The following MN1 variants were observed in gnomAD, a reference collection of about 807,000 sequenced individuals.
MN1 encodes MN1 proto-oncogene, transcriptional regulator.
MN1 carries 19 observed loss-of-function variants against 86.9 expected under a neutral mutation model. The ratio of observed to expected loss-of-function variants is 0.22; its 90% confidence interval spans 0.15 to 0.32. The LOEUF is 0.32. Among genes scored for constraint, MN1 ranks in the 10% least tolerant of loss-of-function variants. The pLI, the probability that MN1 is intolerant of heterozygous loss-of-function variation, is 1.00. For missense variants in MN1, 1,841 were observed against 1,862.0 expected (o/e 0.99, Z 0.21); for synonymous variants, 928 against 849.6 (o/e 1.09, Z -1.60).
rs758226718 is a variant in MN1 at position 27,798,660 on chromosome 22, C to G, written c.1884G>C (p.Glu628Asp). 6.4e-7 allele frequency: 1 copy of G among 1,554,188 alleles called. No individual in the cohort carries two copies. Among genetic ancestry groups the G allele is most frequent in the East Asian group, 2.4e-5 (1 of 42,094 alleles). The change falls in exon 1 of 2, where the codon GAG becomes GAC. Residue 628 changes from glutamate (E) to aspartate (D), a missense_variant. Transcript: ENST00000302326. ...GATGCGGACCTGAGAACCACGCGCT[C>G]TCTTGCGCCAAGTGCGGCGCCTGCT... ...FEQQAPHLAQ[E>D]SAWFSGPHPP...
intron 1 of MN1, among the ~76,000 whole-genome samples, chr22:27,775,307 T>C (rs1253300566): frequency 1.3e-5 from 2 of 152,156 alleles, no homozygotes; most frequent in African/African-American, 4.8e-5. Flanking sequence ...GAGTCAGGCT[T>C]CTTCTCTGAC....
rs938263770 is a variant in MN1 at position 27,801,478 on chromosome 22, T to A, written c.-935A>T. The A allele has an allele frequency of 5.1e-6, 1 of 197,048 alleles. No individual in the cohort carries two copies. Among genetic ancestry groups the A allele is most frequent in the East Asian group, 7.6e-5 (1 of 13,110 alleles). The allele number at this position is 197,048 out of a possible 1,614,324, so 12.2% of individuals were successfully genotyped here. ...ACGAGGGGTTGGGTCGCTCCAAGGC[T>A]CCGGTTCCCTGCCTCCGCGCTGAGG... On this transcript the variant is annotated 5_prime_UTR_variant, in exon 1 of 2. Coordinates refer to ENST00000302326, the MANE Select transcript of MN1 (RefSeq NM_002430.3).
intron 1 of MN1, among the ~76,000 whole-genome samples, chr22:27,770,149 C>G (rs1340576869): frequency 6.6e-6 from 1 of 152,226 alleles, no homozygotes; most frequent in Non-Finnish European, 1.5e-5. Flanking sequence ...ATCTTACAAC[C>G]TTCCCTCCCA....
rs1933446505 is a variant in MN1, at chr22:27,801,672, G to T, written c.-1129C>A. On this transcript the variant is annotated 5_prime_UTR_variant, in exon 1 of 2. Coordinates refer to ENST00000302326, the MANE Select transcript of MN1 (RefSeq NM_002430.3). ...TCTGCGCACCCCTCTCCCGACTAGC[G>T]GGGGGGCTCTGCGTGGGGCGTTCCG... Among the ~76,000 whole-genome samples, 1 of 152,052 alleles carries T rather than the reference G, an allele frequency of 6.6e-6. No homozygotes were observed.
At chr22:27,758,327 A>C (rs945003444) in intron 1 of MN1, among the ~76,000 whole-genome samples, 1 of 152,074 alleles carries the variant, frequency 6.6e-6, no homozygotes, top group African/African-American at 2.4e-5. Context: ...TCCTCACCCC[A>C]GGTGACTCCT....
intron 1 of MN1, among the ~76,000 whole-genome samples, chr22:27,772,158 T>G (rs2146302088): frequency 6.6e-6 from 1 of 152,304 alleles, no homozygotes. Context: ...GTTTAAGTCC[T>G]GGCGACAGGG....
intron 1 of MN1, among the ~76,000 whole-genome samples, chr22:27,752,217 C>T (rs1414526421): frequency 6.6e-6 from 1 of 152,160 alleles, no homozygotes; most frequent in Non-Finnish European, 1.5e-5. Flanking sequence ...CCACCCGGCT[C>T]ATGCACCTCC....
At chr22:27,793,142 A>G (rs1412343067) in intron 1 of MN1, among the ~76,000 whole-genome samples, 1 of 152,218 alleles carries the variant, frequency 6.6e-6, no homozygotes, top group Non-Finnish European at 1.5e-5. Context: ...CTGGGTTTCA[A>G]GATAGAGCTA....
At chr22:27,785,756 C>CT (rs1601337090) in intron 1 of MN1, among the ~76,000 whole-genome samples, 1 of 148,052 alleles carries the variant, frequency 6.8e-6, no homozygotes, top group African/African-American at 2.5e-5. Flanking sequence ...GCCCCCCCCC[C>CT]ATGGCCCCTC....
At chr22:27,771,158 G>A (rs1000671763) in intron 1 of MN1, among the ~76,000 whole-genome samples, 1 of 150,870 alleles carries the variant, frequency 6.6e-6, no homozygotes, top group African/African-American at 2.4e-5. Context: ...GATCTTGGAG[G>A]GTTAAAAAAA....
At chr22:27,784,271 C>T (rs1017653131) in intron 1 of MN1, among the ~76,000 whole-genome samples, 1 of 152,204 alleles carries the variant, frequency 6.6e-6, no homozygotes, top group African/African-American at 2.4e-5. Context: ...TGAGTGCACA[C>T]GGCTCAGATT....
At chr22:27,776,576 T>G (rs1377785773) in intron 1 of MN1, among the ~76,000 whole-genome samples, 1 of 152,098 alleles carries the variant, frequency 6.6e-6, no homozygotes, top group Non-Finnish European at 1.5e-5. Context: ...GCCGGTCACC[T>G]CGGCTTGGCT....
intron 1 of MN1, among the ~76,000 whole-genome samples, chr22:27,792,317 C>CATATATATATATATATAT (rs36207111): frequency 8.8e-6 from 1 of 114,044 alleles, no homozygotes; most frequent in Non-Finnish European, 1.9e-5. Flanking sequence ...ATAAAAATTG[C>CATATATATATATATATAT]ATATATATAT....
At position 27,797,228 on chromosome 22, in the gene MN1, C is replaced by T; in HGVS notation, c.3316G>A (p.Gly1106Ser). ...GTCGAGGTAGAGTTAGACATGATGC[C>T]CAGGCCGAGGGCGGGCGGGGGCGCC... ...PKAPPPALGL[G>S]IMSNSTSTPD... The change falls in exon 1 of 2, where the codon GGC (glycine) becomes AGC (serine). Residue 1106 changes from glycine (G) to serine (S), a missense_variant. By Grantham distance (56) the Gly-to-Ser change is moderately conservative (BLOSUM62 0). Coordinates refer to ENST00000302326, the MANE Select transcript of MN1 (RefSeq NM_002430.3). The T allele has an allele frequency of 6.4e-7, 1 of 1,564,436 alleles. No individual in the cohort carries two copies. Among genetic ancestry groups the T allele is most frequent in the Non-Finnish European group, 8.6e-7 (1 of 1,161,158 alleles).
In MN1 at chr22:27,779,903, A is replaced by T. The variant is rs568019828; in HGVS notation, c.3781+16860T>A. On this transcript the variant is annotated intron_variant, in intron 1 of 1. Transcript: ENST00000302326. ...AAACAGAGTCTCCCTGGACCAGGAC[A>T]TAAATTGTGGCCTGCCCAGCTCAGG... Among the ~76,000 whole-genome samples, 6 of 152,238 alleles carry T rather than the reference A, an allele frequency of 3.9e-5. No homozygotes were observed. The South Asian group carries it at 1.0e-3, about 26-fold the overall frequency.
intron 1 of MN1, among the ~76,000 whole-genome samples, chr22:27,765,981 C>T (rs910677699): frequency 2.0e-5 from 3 of 152,162 alleles, no homozygotes; most frequent in Admixed American, 6.5e-5. Context: ...CCTAGGGTCC[C>T]GGCAGATCCA....
At chr22:27,784,527 CTAAAG>C (rs1226303676) in intron 1 of MN1, among the ~76,000 whole-genome samples, 1 of 152,076 alleles carries the variant, frequency 6.6e-6, no homozygotes, top group South Asian at 2.1e-4. Context: ...CAATTTTACT[CTAAAG>C]TTTAAAATGA....
intron 1 of MN1, among the ~76,000 whole-genome samples, chr22:27,752,741 G>A (rs1010451802): frequency 6.6e-6 from 1 of 152,232 alleles, no homozygotes; most frequent in African/African-American, 2.4e-5. Flanking sequence ...GGAAGGGACA[G>A]AAAGCTGGGT....
intron 1 of MN1, among the ~76,000 whole-genome samples, chr22:27,790,483 G>C (rs1319607312): frequency 6.6e-6 from 1 of 152,142 alleles, no homozygotes; most frequent in Non-Finnish European, 1.5e-5. Context: ...ACAGTTTCTC[G>C]GGGCCCTGGG....
Sources: allele counts gnomAD v4.1 joint callset (sites outside exome capture counted in the v4.1 genomes callset), GRCh38; gene constraint gnomAD v4.1.1; transcripts MANE v1.5; gene names NCBI Gene and HGNC (gene_info 2026-07-23, HGNC 2026-07-21).